The following BAIAP2L1 variants were observed in gnomAD, a reference collection of about 807,000 sequenced individuals.
BAIAP2L1 encodes the protein BAR/IMD domain containing adaptor protein 2 like 1, also known as BAR/IMD domain-containing adapter protein 2-like 1.
A neutral mutation model predicts 66.3 loss-of-function variants in BAIAP2L1; 35 were observed. The ratio of observed to expected loss-of-function variants is 0.53; its 90% CI spans 0.40 to 0.70. The LOEUF (loss-of-function observed/expected upper bound fraction) is 0.70, where lower values mean the gene tolerates loss of function less well. Ranked by LOEUF, BAIAP2L1 falls within the 30% of genes least tolerant of loss-of-function variation. The pLI, the probability that BAIAP2L1 is intolerant of heterozygous loss-of-function variation, is 0.00. For synonymous variants in BAIAP2L1, 269 were observed against 248.7 expected, an observed-to-expected ratio of 1.08 and a Z score of -0.77; for missense variants, 622 against 656.9, an observed-to-expected ratio of 0.95 and a Z score of 0.58.
chr7:98,335,233 T>C (rs1322741981), intron 3 of BAIAP2L1, among the ~76,000 whole-genome samples: 1 of 149,758 alleles, frequency 6.7e-6, no homozygotes, highest in Non-Finnish European at 1.5e-5. Flanking sequence ...AATGGAAATA[T>C]CCCATCCCTT....
chr7:98,392,755 G>A (rs1461564620), intron 1 of BAIAP2L1, among the ~76,000 whole-genome samples: 1 of 152,098 alleles, frequency 6.6e-6, no homozygotes, highest in Non-Finnish European at 1.5e-5. Flanking sequence ...GCAATAGTTA[G>A]TGTTATCTCT....
chr7:98,381,339 C>T (rs1436787814), intron 1 of BAIAP2L1, among the ~76,000 whole-genome samples: 5 of 152,198 alleles, frequency 3.3e-5, no homozygotes, highest in Non-Finnish European at 2.9e-5. Context: ...TTCATTCTTC[C>T]TTTCCCATCT....
chr7:98,394,242 A>AAACAAAC (rs1562796504), intron 1 of BAIAP2L1, among the ~76,000 whole-genome samples: 2 of 150,442 alleles, frequency 1.3e-5, no homozygotes, highest in Non-Finnish European at 3.0e-5. Flanking sequence ...CTCCGTCTCA[A>AAACAAAC]AAACAAACAA....
chr7:98,332,031 TAAA>T (rs991535758), intron 3 of BAIAP2L1, among the ~76,000 whole-genome samples: 6 of 151,988 alleles, frequency 3.9e-5, no homozygotes, highest in African/African-American at 1.5e-4. Flanking sequence ...GAAAAGATGT[TAAA>T]AGAAGTTCTT....
At chr7:98,337,742 C>G (rs1242154284) in intron 3 of BAIAP2L1, among the ~76,000 whole-genome samples, 1 of 151,814 alleles carries the variant, frequency 6.6e-6, no homozygotes, top group Non-Finnish European at 1.5e-5. Context: ...ATGGTGAAAC[C>G]CCATCTCTAA....
chr7:98,386,723 CAG>C, intron 1 of BAIAP2L1: 1 of 470,200 alleles, frequency 2.1e-6, no homozygotes, highest in South Asian at 2.2e-5. Flanking sequence ...TTTTTGGTGA[CAG>C]AGTCTCGCTC....
At chr7:98,316,555 C>A (rs151016826) in intron 6 of BAIAP2L1, among the ~76,000 whole-genome samples, 1 of 152,188 alleles carries the variant, frequency 6.6e-6, no homozygotes, top group Admixed American at 6.5e-5. Flanking sequence ...ATTTATAGGG[C>A]ACATGTGATA....
intron 3 of BAIAP2L1, among the ~76,000 whole-genome samples, chr7:98,346,647 T>C (rs557329338): frequency 6.6e-6 from 1 of 152,312 alleles, no homozygotes; most frequent in East Asian, 1.9e-4. Context: ...CAGTCTGCTA[T>C]TGGTGCAAGG....
chr7:98,298,611 TCAAAA>T (rs1318678121), intron 12 of BAIAP2L1, among the ~76,000 whole-genome samples: 1 of 151,926 alleles, frequency 6.6e-6, no homozygotes, highest in Non-Finnish European at 1.5e-5. Context: ...AGACTCTGTC[TCAAAA>T]CAAAACAAAA....
chr7:98,358,074 G>A (rs1279946782), intron 2 of BAIAP2L1, among the ~76,000 whole-genome samples: 1 of 152,126 alleles, frequency 6.6e-6, no homozygotes, highest in Non-Finnish European at 1.5e-5. Context: ...AAATTAGTGC[G>A]GGAATGGAAT....
chr7:98,400,513 A>G (rs1362574674), intron 1 of BAIAP2L1, among the ~76,000 whole-genome samples: 5 of 111,146 alleles, frequency 4.5e-5, no homozygotes, highest in African/African-American at 1.8e-4. Context: ...AGGGAGAGGT[A>G]CAGCGGGGCG....
chr7:98,312,855 C>G (rs1800922569), intron 7 of BAIAP2L1, among the ~76,000 whole-genome samples: 1 of 152,174 alleles, frequency 6.6e-6, no homozygotes, highest in Admixed American at 6.5e-5. Flanking sequence ...AACCCGCAAC[C>G]CTGGAGGCAG....
At chr7:98,323,716 G>A (rs77552057) in intron 3 of BAIAP2L1, among the ~76,000 whole-genome samples, 2 of 152,320 alleles carry the variant, frequency 1.3e-5, no homozygotes, top group Non-Finnish European at 2.9e-5. Context: ...CGGGCAGGCA[G>A]GCAACACCTG....
intron 2 of BAIAP2L1, 83 bp from the exon 3 acceptor site, chr7:98,355,211 T>C (rs1292964653): frequency 4.3e-6 from 4 of 924,116 alleles, no homozygotes; most frequent in Non-Finnish European, 6.9e-6. Flanking sequence ...AAACACCCCC[T>C]GGTCCCTTCT....
At chr7:98,312,288 T>G in intron 7 of BAIAP2L1, 24 bp from the exon 8 acceptor site, 1 of 1,582,786 alleles carries the variant, frequency 6.3e-7, no homozygotes, top group Non-Finnish European at 8.6e-7. Flanking sequence ...AGAAGAAGAC[T>G]AAAGACAAAG....
At position 98,369,313 on chromosome 7, in the gene BAIAP2L1, T is replaced by C. The variant is rs561234678; in HGVS notation, c.52-6881A>G. ...GCCTGGGCAACGTGGTGAAACCCCA[T>C]CTCTACCAAAAATACAAAAATTTGC... On this transcript the variant is annotated intron_variant, in intron 1 of 13. Coordinates refer to ENST00000005260, the MANE Select transcript of BAIAP2L1 (RefSeq NM_018842.5). 4.1e-4 allele frequency among the ~76,000 whole-genome samples: 63 copies of C among 152,206 alleles called. 3 individuals are homozygous for C. The South Asian group carries it at 0.013, about 31-fold the overall frequency.
rs529194408 is a variant in BAIAP2L1 at position 98,328,705 on chromosome 7, T to C, written c.215-8407A>G. Among the ~76,000 whole-genome samples the C allele has an allele frequency of 3.3e-5, 5 of 150,608 alleles. No homozygotes were observed. In the South Asian group the frequency reaches 8.4e-4, roughly 25 times the overall value. ...AAAAAAAAAAAAAAAAAAAAATTCA[T>C]GATACACACCAACAAAAATGTGCCC... is the stretch of plus-strand genomic sequence containing the variant. On this transcript the variant is annotated intron_variant, in intron 3 of 13. Coordinates refer to ENST00000005260, the MANE Select transcript of BAIAP2L1 (RefSeq NM_018842.5).
Position 98,345,618 on chromosome 7 carries a change from G to A in BAIAP2L1, c.214+9424C>T, listed in dbSNP as rs149101899. Among the ~76,000 whole-genome samples, 46 of 152,084 alleles carry A rather than the reference G, an allele frequency of 3.0e-4. No homozygotes were observed. The East Asian group carries it at 8.5e-3, about 28-fold the overall frequency. On this transcript the variant is annotated intron_variant, in intron 3 of 13. Coordinates refer to ENST00000005260, the MANE Select transcript of BAIAP2L1 (RefSeq NM_018842.5). ...GGGGGTACTGTAGTCCCAGCTACTC[G>A]GGAGGCTGAGGGACGAGAATCGCTT... is the stretch of plus-strand genomic sequence containing the variant.
At chr7:98,373,900 G>A (rs1802565543) in intron 1 of BAIAP2L1, among the ~76,000 whole-genome samples, 1 of 152,100 alleles carries the variant, frequency 6.6e-6, no homozygotes, top group African/African-American at 2.4e-5. Flanking sequence ...TCTGGAGAAG[G>A]GTACGGGACA....
Sources: gnomAD v4.1 joint callset for allele counts (sites outside exome capture counted in the v4.1 genomes callset) on GRCh38, gnomAD v4.1.1 for gene constraint, MANE v1.5 for transcripts, NCBI Gene and HGNC (gene_info 2026-07-23, HGNC 2026-07-21) for gene names.